The following EEF2K variants were observed in gnomAD, a reference collection of about 807,000 sequenced individuals.
The protein encoded by EEF2K is eukaryotic elongation factor 2 kinase.
A neutral mutation model predicts 93.8 loss-of-function variants in EEF2K; 70 were observed. The ratio of observed to expected loss-of-function variants is 0.75; its 90% CI spans 0.62 to 0.91. EEF2K has a LOEUF of 0.91. EEF2K is among the 40% of genes least tolerant of loss of function. The pLI, the probability that EEF2K is intolerant of heterozygous loss-of-function variation, is 0.00. For missense variants in EEF2K, 935 were observed against 972.9 expected (o/e 0.96, Z 0.52); for synonymous variants, 376 against 380.8 (o/e 0.99, Z 0.15).
At chr16:22,257,891 C>T in intron 9 of EEF2K, 121 bp downstream of exon 9, 2 of 1,424,358 alleles carry the variant, frequency 1.4e-6, no homozygotes, top group South Asian at 2.6e-5. Flanking sequence ...AATACCAGGG[C>T]TGGAAGCATC....
Position 22,247,167 on chromosome 16 carries a change from G to T in EEF2K, c.348-1588G>T, listed in dbSNP as rs544070598. Among the ~76,000 whole-genome samples the T allele has an allele frequency of 2.7e-5, 4 of 150,706 alleles. No individual in the cohort carries two copies. The South Asian group carries it at 8.4e-4, about 32-fold the overall frequency. ...TTAAAAATATTACTCTAGGCCAGGC[G>T]CAGTGGCTAACGCCTGTAATCCCAG... On this transcript the variant is annotated intron_variant, in intron 3 of 17. Coordinates refer to ENST00000263026, the MANE Select transcript of EEF2K (RefSeq NM_013302.5).
chr16:22,264,289 CAAAAAAAAAAAA>C (rs59993193), intron 12 of EEF2K, among the ~76,000 whole-genome samples: 19 of 39,902 alleles, frequency 4.8e-4, no homozygotes, highest in Non-Finnish European at 7.6e-4. Context: ...GAGACTGTCT[CAAAAAAAAAAAA>C]AAAAAAAAAA....
intron 4 of EEF2K, among the ~76,000 whole-genome samples, chr16:22,249,557 C>A (rs935739473): frequency 6.6e-5 from 10 of 152,044 alleles, no homozygotes; most frequent in Non-Finnish European, 1.3e-4. Context: ...ATTCTATCAC[C>A]CTAGATTACT....
chr16:22,273,835 T>G, intron 16 of EEF2K, 85 bp downstream of exon 16: 1 of 1,548,300 alleles, frequency 6.5e-7, no homozygotes, highest in Non-Finnish European at 8.7e-7. Context: ...CAGGCCTGGG[T>G]TCCAGTCTTG....
At chr16:22,223,856 A>G (rs2047037988) in intron 1 of EEF2K, among the ~76,000 whole-genome samples, 1 of 152,090 alleles carries the variant, frequency 6.6e-6, no homozygotes, top group Admixed American at 6.6e-5. Context: ...ATGAGCTTCT[A>G]TTGGACATTT....
rs765930672 is a variant in EEF2K at position 22,244,804 on chromosome 16, C to A, written c.347+74C>A. 1.0e-3 allele frequency: 1,548 copies of A among 1,477,494 alleles called. 13 individuals carry two copies. Among genetic ancestry groups the A allele is most frequent in the Middle Eastern group, 2.4e-3 (14 of 5,786 alleles). The allele number at this position is 1,477,494 out of a possible 1,614,324, so 91.5% of individuals were successfully genotyped here. A position where few individuals can be genotyped will look rare whatever the true frequency, so the allele number is the denominator to read the frequency against. On this transcript the variant is annotated intron_variant, in intron 3 of 17. Transcript: ENST00000263026. ...AGCTTCTGTTCCCAATCAGTGAGGC[C>A]TAAGTACTCTTGGGGGTCAGGGGAA...
chr16:22,229,728 A>G (rs1024117975), intron 2 of EEF2K, among the ~76,000 whole-genome samples: 1 of 152,114 alleles, frequency 6.6e-6, no homozygotes, highest in African/African-American at 2.4e-5. Flanking sequence ...AAAGGCGAAC[A>G]TTATTGGACT....
At chr16:22,257,559 C>T in intron 8 of EEF2K, 84 bp from the exon 9 acceptor site, 3 of 1,572,010 alleles carry the variant, frequency 1.9e-6, no homozygotes, top group Non-Finnish European at 2.6e-6. Flanking sequence ...TATACCTGCC[C>T]TGGCCATATG....
At position 22,206,962 on chromosome 16, in the gene EEF2K, C is replaced by T. The variant is rs71376722; in HGVS notation, c.-77+283C>T. On this transcript the variant is annotated intron_variant, in intron 1 of 17. Coordinates refer to ENST00000263026, the MANE Select transcript of EEF2K (RefSeq NM_013302.5). Reference sequence around the variant, plus strand: ...TGGGCGGTGATCTGGCTGCAAGTGACAGAGAGTTTGGGGGCCTCCCCCCTC... The same window carrying T: ...TGGGCGGTGATCTGGCTGCAAGTGATAGAGAGTTTGGGGGCCTCCCCCCTC... 3.1e-3 allele frequency among the ~76,000 whole-genome samples: 476 copies of T among 152,296 alleles called. 2 individuals carry two copies. The highest frequency in any genetic ancestry group is 5.4e-3 in the Non-Finnish European group (364 of 68,030).
chr16:22,225,831 G>A lies in EEF2K; in HGVS notation c.102G>A (p.Glu34=). 1 of 1,614,222 alleles carries A rather than the reference G, an allele frequency of 6.2e-7. No individual in the cohort carries two copies. Among genetic ancestry groups the A allele is most frequent in the Non-Finnish European group, 8.5e-7 (1 of 1,180,044 alleles). Residue 34 remains glutamate (E), a synonymous_variant, in exon 2 of 18, where the codon GAG becomes GAA. Coordinates refer to ENST00000263026, the MANE Select transcript of EEF2K (RefSeq NM_013302.5). Reference sequence around the variant, plus strand: ...ATTCTGATGGGGACAGCGACGATGAGGAAGGTTACTTCATCTGCCCCATCA... The same window carrying A: ...ATTCTGATGGGGACAGCGACGATGAAGAAGGTTACTTCATCTGCCCCATCA... ...DGDSDGDSDD[E]EGYFICPITD...
At chr16:22,273,973 G>A (rs556013860) in intron 16 of EEF2K, among the ~76,000 whole-genome samples, 4 of 152,332 alleles carry the variant, frequency 2.6e-5, no homozygotes, top group South Asian at 4.1e-4. Flanking sequence ...AAGGGTAAAC[G>A]AGATGCTGAC....
chr16:22,273,116 T>G (rs1455527360), intron 15 of EEF2K, among the ~76,000 whole-genome samples: 1 of 152,212 alleles, frequency 6.6e-6, no homozygotes, highest in African/African-American at 2.4e-5. Context: ...TTTATTGAAG[T>G]GTCAGTGTTA....
chr16:22,231,368 G>A (rs769951826), intron 2 of EEF2K, among the ~76,000 whole-genome samples: 3 of 150,492 alleles, frequency 2.0e-5, no homozygotes, highest in African/African-American at 7.3e-5. Flanking sequence ...CACCCACCTC[G>A]ACCTCCCAAA....
At position 22,206,624 on chromosome 16, in the gene EEF2K, C is replaced by T. The variant is rs2046865519; in HGVS notation, c.-132C>T. 1 of 152,316 alleles carries T rather than the reference C, an allele frequency of 6.6e-6. No individual in the cohort carries two copies. Among genetic ancestry groups the T allele is most frequent in the Admixed American group, 6.5e-5 (1 of 15,284 alleles). 9.4% of individuals were successfully genotyped at this position (152,316 alleles called of 1,614,324 possible). On this transcript the variant is annotated 5_prime_UTR_variant, in exon 1 of 18. Coordinates refer to ENST00000263026, the MANE Select transcript of EEF2K (RefSeq NM_013302.5). ...TCCGGGCCGCGAGCCTCTGCCAACT[C>T]CTCTGGACCCTCGCGGCCGTGGGCA...
chr16:22,284,222 G>C lies in EEF2K; in HGVS notation c.*226G>C. The C allele has an allele frequency of 7.8e-6, 4 of 511,000 alleles. No individual in the cohort carries two copies. Among genetic ancestry groups the C allele is most frequent in the African/African-American group, 1.9e-5 (1 of 52,494 alleles). The allele number at this position is 511,000 out of a possible 1,614,324, so 31.7% of individuals were successfully genotyped here. On this transcript the variant is annotated 3_prime_UTR_variant, in exon 18 of 18. Coordinates refer to ENST00000263026, the MANE Select transcript of EEF2K (RefSeq NM_013302.5). ...CTTAGGGCAGTATTTTGGGGAAGTG[G>C]GGCTTGAAGAAGCAGCCTAATGAAC...
At chr16:22,233,444 C>T (rs1000554561) in intron 2 of EEF2K, among the ~76,000 whole-genome samples, 4 of 151,568 alleles carry the variant, frequency 2.6e-5, no homozygotes, top group African/African-American at 7.3e-5. Context: ...TTTTGGCGGC[C>T]GAGGCAGGTA....
intron 10 of EEF2K, among the ~76,000 whole-genome samples, chr16:22,260,122 C>T (rs755290712): frequency 4.2e-4 from 64 of 152,172 alleles, no homozygotes; most frequent in Non-Finnish European, 7.1e-4. Flanking sequence ...GTTCTTCCTT[C>T]ACAACTGCAT....
intron 16 of EEF2K, among the ~76,000 whole-genome samples, chr16:22,277,433 T>G (rs945382850): frequency 1.8e-4 from 27 of 152,176 alleles, no homozygotes; most frequent in Non-Finnish European, 5.9e-5. Flanking sequence ...TATCTGGCCA[T>G]TTTTTAATAA....
In EEF2K at chr16:22,227,928, C is replaced by A. The variant is rs558469686; in HGVS notation, c.246+1953C>A. 9.1e-5 allele frequency among the ~76,000 whole-genome samples: 13 copies of A among 142,288 alleles called. No individual in the cohort carries two copies. In the South Asian group the frequency reaches 2.7e-3, roughly 30 times the overall value. 93.3% of individuals were successfully genotyped at this position (142,288 alleles called of 152,430 possible). ...CCTGGTCAACATAGGAACACCCCAT[C>A]TTTATTAAAGAAAAAAAAAAAGAAA... is the stretch of plus-strand genomic sequence containing the variant. On this transcript the variant is annotated intron_variant, in intron 2 of 17. Coordinates refer to ENST00000263026, the MANE Select transcript of EEF2K (RefSeq NM_013302.5).
Sources: allele counts gnomAD v4.1 joint callset (sites outside exome capture counted in the v4.1 genomes callset), GRCh38; gene constraint gnomAD v4.1.1; transcripts MANE v1.5; gene names NCBI Gene and HGNC (gene_info 2026-07-23, HGNC 2026-07-21).